The following SP140 variants were observed in gnomAD, a reference collection of about 807,000 sequenced individuals.
The protein encoded by SP140 is nuclear body protein SP140.
Under a neutral mutation model 125.0 loss-of-function variants are expected in SP140, and 81 were observed. That is an observed-to-expected ratio of 0.65 (90% CI 0.54 to 0.78). SP140 has a LOEUF of 0.78. Ranked by LOEUF, SP140 falls within the 30% of genes least tolerant of loss-of-function variation. The pLI is 0.00. For missense variants in SP140, 858 were observed against 1,037.0 expected (o/e 0.83, Z 2.37); for synonymous variants, 312 against 354.0 (o/e 0.88, Z 1.33).
chr2:230,261,789 C>T (rs772522808), intron 12 of SP140, among the ~76,000 whole-genome samples: 1 of 152,166 alleles, frequency 6.6e-6, no homozygotes, highest in African/African-American at 2.4e-5. Context: ...ATCCCTGCAT[C>T]CCTGGTATGA....
At chr2:230,314,786 G>A (rs891535822), downstream of SP140, among the ~76,000 whole-genome samples, 1 of 152,258 alleles carries the variant, frequency 6.6e-6, no homozygotes, top group Non-Finnish European at 1.5e-5. Flanking sequence ...AAGGGAGAAG[G>A]AATGCACTGC....
Position 230,212,207 on chromosome 2 carries a change from T to C in SP140, c.-322-1447T>C, listed in dbSNP as rs528993118. The C allele has an allele frequency of 1.3e-4, 95 of 710,482 alleles. No homozygotes were observed. In the African/African-American group the frequency reaches 1.5e-3, roughly 11 times the overall value. 44.0% of individuals were successfully genotyped at this position (710,482 alleles called of 1,614,324 possible). ...TGTTTTGCATTGCTGCGTTGGTGAA[T>C]TGGCCCCTTCTGTTTCTTTTCCTTT... On this transcript the variant is annotated intron_variant, in intron 1 of 4. Transcript: ENST00000456542.
chr2:230,305,140 C>T (rs796166192), intron 22 of SP140, among the ~76,000 whole-genome samples: 6 of 152,176 alleles, frequency 3.9e-5, no homozygotes, highest in African/African-American at 1.4e-4. Flanking sequence ...AAATGGCCAA[C>T]GAACATGAAA....
intron 18 of SP140, chr2:230,288,203 C>T (rs1231843364): frequency 4.8e-6 from 2 of 416,598 alleles, no homozygotes; most frequent in South Asian, 8.3e-5. Flanking sequence ...GTGCTACTTT[C>T]ACTGAAATGA....
intron 1 of SP140, chr2:230,212,635 G>A (rs1195324545): frequency 5.3e-6 from 7 of 1,326,960 alleles, no homozygotes. Context: ...AAAGGGTTGT[G>A]TTTGGGTAGA....
chr2:230,282,366 A>G (rs190945446), intron 15 of SP140, among the ~76,000 whole-genome samples: 6 of 152,206 alleles, frequency 3.9e-5, no homozygotes, highest in African/African-American at 1.2e-4. Flanking sequence ...TAGAAATGCC[A>G]TGGAGAATGG....
intron 22 of SP140, among the ~76,000 whole-genome samples, chr2:230,304,971 CCA>C (rs975480144): frequency 6.6e-6 from 1 of 152,108 alleles, no homozygotes; most frequent in Non-Finnish European, 1.5e-5. Flanking sequence ...AACAGACAAC[CCA>C]CAGAGTAGGA....
At chr2:230,196,799 T>A in the SP140 span, among the ~76,000 whole-genome samples, 1 of 152,088 alleles carries the variant, frequency 6.6e-6, no homozygotes, top group East Asian at 1.9e-4. Context: ...AGTGTTTGGT[T>A]TTTTGTCCTT....
intron 1 of SP140, chr2:230,235,209 A>G (rs192360436): frequency 6.6e-6 from 1 of 152,324 alleles, no homozygotes; most frequent in Admixed American, 6.5e-5. Flanking sequence ...CTCGATTTTC[A>G]TCTCTGCATC....
At chr2:230,245,155 C>A in intron 6 of SP140, 75 bp downstream of exon 6, 2 of 920,722 alleles carry the variant, frequency 2.2e-6, no homozygotes, top group South Asian at 1.5e-5. Context: ...ACTTCCTTCT[C>A]TCTCCACCAC....
the SP140 span, among the ~76,000 whole-genome samples, chr2:230,196,649 G>A: frequency 3.3e-5 from 5 of 151,452 alleles, no homozygotes; most frequent in South Asian, 2.1e-4. Flanking sequence ...CCATTAACTC[G>A]TCATTTAGCA....
intron 3 of SP140, chr2:230,239,104 G>C: frequency 5.5e-6 from 7 of 1,271,056 alleles, no homozygotes; most frequent in Non-Finnish European, 7.2e-6. Context: ...ATGAAGAATG[G>C]GATGTGTTGA....
intron 21 of SP140, among the ~76,000 whole-genome samples, chr2:230,294,855 C>T (rs2057523979): frequency 6.6e-6 from 1 of 152,182 alleles, no homozygotes; most frequent in Non-Finnish European, 1.5e-5. Flanking sequence ...CATTCTCTTT[C>T]ACCTTCCAAA....
chr2:230,255,211 AGAGAATTAG>A (rs1386058960), intron 11 of SP140, among the ~76,000 whole-genome samples: 3 of 152,100 alleles, frequency 2.0e-5, no homozygotes, highest in Non-Finnish European at 4.4e-5. Context: ...GGAGAAGGAG[AGAGAATTAG>A]GAGTCCAGGC....
At chr2:230,300,679 T>C (rs767292787) in intron 22 of SP140, among the ~76,000 whole-genome samples, 5 of 152,192 alleles carry the variant, frequency 3.3e-5, no homozygotes, top group African/African-American at 7.2e-5. Context: ...ATCTTTCCTC[T>C]AACGTAGTCT....
chr2:230,249,072 A>T, intron 9 of SP140, 104 bp downstream of exon 9: 1 of 771,886 alleles, frequency 1.3e-6, no homozygotes, highest in African/African-American at 1.8e-5. Flanking sequence ...CCTTCTTCAC[A>T]TTCGCATACA....
the SP140 span, among the ~76,000 whole-genome samples, chr2:230,194,582 C>T: frequency 6.6e-6 from 1 of 152,278 alleles, no homozygotes; most frequent in East Asian, 1.9e-4. Flanking sequence ...TCTTATTCTG[C>T]AAGTAACACA....
chr2:230,280,473 G>A (rs935820759), intron 15 of SP140, among the ~76,000 whole-genome samples: 1 of 151,982 alleles, frequency 6.6e-6, no homozygotes, highest in Non-Finnish European at 1.5e-5. Context: ...ATTTCAATTT[G>A]TTTACATTTA....
chr2:230,222,599 C>G (rs1191322135), upstream of SP140, among the ~76,000 whole-genome samples: 2 of 151,694 alleles, frequency 1.3e-5, no homozygotes, highest in Non-Finnish European at 2.9e-5. Flanking sequence ...TGGCATACAC[C>G]TGTGGTCCCC....
Sources: allele counts gnomAD v4.1 joint callset (sites outside exome capture counted in the v4.1 genomes callset), GRCh38; gene constraint gnomAD v4.1.1; transcripts MANE v1.5; gene names NCBI Gene and HGNC (gene_info 2026-07-23, HGNC 2026-07-21).